Variants in TSC2 observed in about 807,000 individuals in gnomAD.
The protein encoded by TSC2 is tuberin.
In TSC2, 29 loss-of-function variants were observed where a neutral mutation model predicts 202.2. The ratio of observed to expected loss-of-function variants is 0.14; its 90% CI spans 0.11 to 0.20. The LOEUF is 0.20. Ranked by LOEUF, TSC2 falls within the 10% of genes least tolerant of loss-of-function variation. The pLI is 1.00. For missense variants in TSC2, 2,429 were observed against 2,420.0 expected (o/e 1.00, Z -0.08); for synonymous variants, 1,349 against 1,044.0 (o/e 1.29, Z -5.63).
At position 2,054,312 on chromosome 16, in the gene TSC2, T is replaced by A; in HGVS notation, c.353T>A (p.Val118Asp). The A allele has an allele frequency of 6.2e-7, 1 of 1,614,034 alleles. No individual in the cohort carries two copies. Among genetic ancestry groups the A allele is most frequent in the South Asian group, 1.1e-5 (1 of 91,078 alleles). The change falls in exon 5 of 42, where the codon GTC becomes GAC. Residue 118 changes from valine to aspartate, a missense_variant. Transcript: ENST00000219476. ...TGTCTTTAGGGCGAGCGTTTGGGGG[T>A]CCTCAGAGCCCTCTTCTTTAAGGTC... ...IVQGQGERLGVLRALFFKVIK... is the reference protein window; with the variant it reads ...IVQGQGERLGDLRALFFKVIK...
intron 4 of TSC2, chr16:2,054,089 C>G: frequency 4.2e-6 from 3 of 709,308 alleles, no homozygotes; most frequent in Non-Finnish European, 7.0e-6. Context: ...CAGTTGCTCC[C>G]CATACGCCGC....
At chr16:2,071,956 C>G (rs899777633) in intron 19 of TSC2, 22 bp downstream of exon 19, 2 of 1,556,404 alleles carry the variant, frequency 1.3e-6, no homozygotes, top group Non-Finnish European at 1.7e-6. Context: ...CGGGCAGGGA[C>G]CATCCGTCCC....
chr16:2,064,696 C>G (rs915494578), intron 15 of TSC2: 1 of 549,120 alleles, frequency 1.8e-6, no homozygotes, highest in Non-Finnish European at 3.3e-6. Flanking sequence ...GGAGCCCAGA[C>G]CTGGGGCTGG....
At chr16:2,087,776 G>C in intron 38 of TSC2, 87 bp from the exon 39 acceptor site, 1 of 1,467,674 alleles carries the variant, frequency 6.8e-7, no homozygotes, top group Non-Finnish European at 9.4e-7. Context: ...GAGCTGACAG[G>C]TGTCTAGCAG....
rs1470276886 is a variant in TSC2, at chr16:2,071,625, G to T, written c.1946+9G>T. On this transcript the variant is annotated intron_variant, in intron 18 of 41. Transcript: ENST00000219476. ...TGCGTCTGCGACTACATGTACGCGG[G>T]ACCTCGCCCACGGCCCATGAGGCTC... The T allele has an allele frequency of 1.2e-6, 2 of 1,613,212 alleles. No homozygotes were observed. Among genetic ancestry groups the T allele is most frequent in the Admixed American group, 3.3e-5 (2 of 60,012 alleles).
chr16:2,050,598 CTTT>C (rs554452830), intron 3 of TSC2, 112 bp downstream of exon 3: 3,924 of 465,758 alleles, frequency 8.4e-3, no homozygotes, highest in East Asian at 0.011. Context: ...CTGGTTTGCA[CTTT>C]TTTTTTTTTT....
rs1288971785 is a variant in TSC2, at chr16:2,065,653, G to C, written c.1716+18G>C. On this transcript the variant is annotated intron_variant, in intron 16 of 41. Coordinates refer to ENST00000219476, the MANE Select transcript of TSC2 (RefSeq NM_000548.5). ...TCCTTCAGGTGGGTGTTCTGCACGA[G>C]GCCTCTGCTCCCGGGGCGCGCATGG... 6.2e-7 allele frequency: 1 copy of C among 1,608,220 alleles called. No individual in the cohort carries two copies.
rs756830558 is a variant in TSC2 at position 2,088,655 on chromosome 16, G to C, written c.*45G>C. 7 of 1,571,292 alleles carry C rather than the reference G, an allele frequency of 4.5e-6. No individual in the cohort carries two copies. The highest frequency in any genetic ancestry group is 2.7e-5 in the African/African-American group (2 of 73,714). On this transcript the variant is annotated 3_prime_UTR_variant, in exon 42 of 42. Coordinates refer to ENST00000219476, the MANE Select transcript of TSC2 (RefSeq NM_000548.5). ...GCACTGGCCTTGGACGGTATTGCCT[G>C]TCAGTGAAATAAATAAAGTCCTGAC... is the stretch of plus-strand genomic sequence containing the variant.
Position 2,056,631 on chromosome 16 carries a change from C to T in TSC2, c.649-13C>T, listed in dbSNP as rs1290261668. The T allele has an allele frequency of 1.9e-6, 3 of 1,608,648 alleles. No individual in the cohort carries two copies. Among genetic ancestry groups the T allele is most frequent in the South Asian group, 1.1e-5 (1 of 91,062 alleles). ...GGGGTAGGACGGGCGTGAGCCGTCT[C>T]CCTCTCCACCAGGTCTCCCTGCAGG... is the stretch of plus-strand genomic sequence containing the variant. On this transcript the variant is annotated splice_polypyrimidine_tract_variant and intron_variant, in intron 7 of 41. Coordinates refer to ENST00000219476, the MANE Select transcript of TSC2 (RefSeq NM_000548.5).
chr16:2,052,881 G>A (rs1166165971), intron 3 of TSC2, among the ~76,000 whole-genome samples: 1 of 152,208 alleles, frequency 6.6e-6, no homozygotes, highest in Non-Finnish European at 1.5e-5. Flanking sequence ...GCAGGGGCAT[G>A]GGGTCGAGGG....
intron 26 of TSC2, 108 bp from the exon 27 acceptor site, chr16:2,078,924 C>T (rs2089767636): frequency 6.7e-7 from 1 of 1,486,850 alleles, no homozygotes; most frequent in South Asian, 1.1e-5. Flanking sequence ...TGGGGTCTTT[C>T]CGAGCGAGGT....
rs1555510658 is a variant in TSC2 at position 2,079,385 on chromosome 16, C to G, written c.3241C>G (p.Leu1081Val). 6.2e-7 allele frequency: 1 copy of G among 1,612,598 alleles called. No individual in the cohort carries two copies. The highest frequency in any genetic ancestry group is 8.5e-7 in the Non-Finnish European group (1 of 1,179,908). Residue 1081 changes from leucine to valine, a missense_variant, in exon 28 of 42, where the codon CTA becomes GTA. Leu to Val is a conservative substitution (Grantham distance 32, BLOSUM62 1). Transcript: ENST00000219476. The surrounding 1 kb of genome is among the most constrained non-coding windows in gnomAD (Gnocchi z 4.6). Reference protein sequence around the residue: ...TSVGTGTRSLLGLDSGELQSG... With the variant: ...TSVGTGTRSLVGLDSGELQSG... ...CGTGGGAACCGGGACCCGGTCGTTA[C>G]TAGGCCTGGACTCGGGGGAGCTGCA... is the stretch of plus-strand genomic sequence containing the variant.
intron 24 of TSC2, 129 bp from the exon 25 acceptor site, chr16:2,076,362 G>C (rs1376266975): frequency 8.3e-6 from 13 of 1,574,416 alleles, no homozygotes; most frequent in Non-Finnish European, 9.5e-6. Context: ...TTGAGGGGTG[G>C]GAGCTGGGTG....
rs1028913558 is a variant in TSC2, at chr16:2,087,040, C to T, written c.4989+169C>T. 7 of 1,014,350 alleles carry T rather than the reference C, an allele frequency of 6.9e-6. No individual in the cohort carries two copies. In the African/African-American group the frequency reaches 8.0e-5, roughly 12 times the overall value. The allele number at this position is 1,014,350 out of a possible 1,614,324, so 62.8% of individuals were successfully genotyped here. A position where few individuals can be genotyped will look rare whatever the true frequency, so the allele number is the denominator to read the frequency against. On this transcript the variant is annotated intron_variant, in intron 38 of 41. Coordinates refer to ENST00000219476, the MANE Select transcript of TSC2 (RefSeq NM_000548.5). ...GCTTCACCCCGAGCCTGCGTTGTGTCCTCTGTGCCCTGAAGCCTGTGGCGC... is the reference window on the plus strand; with the variant it reads ...GCTTCACCCCGAGCCTGCGTTGTGTTCTCTGTGCCCTGAAGCCTGTGGCGC...
At position 2,089,185 on chromosome 16, in the gene TSC2, A is replaced by G. The variant is rs1397901251; in HGVS notation, c.*575A>G. 4 of 173,594 alleles carry G rather than the reference A, an allele frequency of 2.3e-5. No individual in the cohort carries two copies. Among genetic ancestry groups the G allele is most frequent in the African/African-American group, 9.6e-5 (4 of 41,866 alleles). 10.8% of individuals were successfully genotyped at this position (173,594 alleles called of 1,614,324 possible). ...CGCCACCACACCTACCAAGCGCAGC[A>G]GGTGTTGGGGGAGGCCAGCTCTGGG... On this transcript the variant is annotated 3_prime_UTR_variant, in exon 42 of 42. Coordinates refer to ENST00000219476, the MANE Select transcript of TSC2 (RefSeq NM_000548.5).
At position 2,088,699 on chromosome 16, in the gene TSC2, AG is replaced by A; in HGVS notation, c.*91del. 6.7e-7 allele frequency: 1 copy of A among 1,484,090 alleles called. No individual in the cohort carries two copies. The highest frequency in any genetic ancestry group is 9.1e-7 in the Non-Finnish European group (1 of 1,104,714). 91.9% of individuals were successfully genotyped at this position (1,484,090 alleles called of 1,614,324 possible). ...TCCTGACCCCAGTGCACAGACATAG[AG>A]GCACAGATTGCAGTCAGACAGCTCT... On this transcript the variant is annotated 3_prime_UTR_variant, in exon 42 of 42. Coordinates refer to ENST00000219476, the MANE Select transcript of TSC2 (RefSeq NM_000548.5).
chr16:2,070,661 G>C, intron 17 of TSC2, 83 bp downstream of exon 17: 2 of 1,597,002 alleles, frequency 1.3e-6, no homozygotes, highest in Middle Eastern at 1.7e-4. Flanking sequence ...CCTGGAAGCT[G>C]CAGAGACGGC....
intron 6 of TSC2, 162 bp downstream of exon 6, chr16:2,055,681 A>G: frequency 1.4e-6 from 1 of 695,026 alleles, no homozygotes; most frequent in Admixed American, 2.0e-5. Context: ...TCACGAGGTC[A>G]GGAGTTCGAG....
chr16:2,051,618 C>T (rs1479689759), intron 3 of TSC2, among the ~76,000 whole-genome samples: 1 of 152,210 alleles, frequency 6.6e-6, no homozygotes. Flanking sequence ...CACCTGAGGG[C>T]TCTGCCCTTG....
Sources: allele counts gnomAD v4.1 joint callset (sites outside exome capture counted in the v4.1 genomes callset), GRCh38; gene constraint gnomAD v4.1.1; non-coding constraint Gnocchi (gnomAD v3.1); transcripts MANE v1.5; gene names NCBI Gene and HGNC (gene_info 2026-07-23, HGNC 2026-07-21).